The following FAM227B variants were observed in gnomAD, a reference collection of about 807,000 sequenced individuals.
The protein encoded by FAM227B is family with sequence similarity 227 member B.
A neutral mutation model predicts 73.8 loss-of-function variants in FAM227B; 88 were observed. The ratio of observed to expected loss-of-function variants is 1.19; its 90% CI spans 1.00 to 1.42. The LOEUF is 1.42. Ranked by LOEUF, FAM227B falls within the 40% of genes most tolerant of loss-of-function variation. The pLI is 0.00. For synonymous variants in FAM227B, 210 were observed against 190.5 expected (o/e 1.10, Z -0.84); for missense variants, 632 against 590.9 (o/e 1.07, Z -0.72).
rs975479239 is a variant in FAM227B at position 49,371,235 on chromosome 15, A to G, written c.1110+67T>C. The G allele has an allele frequency of 3.3e-6, 3 of 911,138 alleles. No individual in the cohort carries two copies. In the African/African-American group the frequency reaches 5.0e-5, roughly 15 times the overall value. 56.4% of individuals were successfully genotyped at this position (911,138 alleles called of 1,614,324 possible). On this transcript the variant is annotated intron_variant, in intron 12 of 15. Transcript: ENST00000299338. ...AACCAGCATTGCCTATGTACAGCAC[A>G]GTCAATTGCAAATATATTGCAAATT...
At chr15:49,340,403 G>GCCCCCCCCCCTC (rs373386438) in intron 13 of FAM227B, among the ~76,000 whole-genome samples, 4 of 94,380 alleles carry the variant, frequency 4.2e-5, no homozygotes, top group Non-Finnish European at 8.9e-5. Flanking sequence ...GCAGTGCCCC[G>GCCCCCCCCCCTC]CCCCCCCCCT....
At chr15:49,417,037 T>C (rs1426649735) in intron 11 of FAM227B, among the ~76,000 whole-genome samples, 4 of 152,014 alleles carry the variant, frequency 2.6e-5, no homozygotes, top group African/African-American at 7.3e-5. Context: ...TAAAGAAAAC[T>C]AGTTTAAAAT....
intron 11 of FAM227B, among the ~76,000 whole-genome samples, chr15:49,403,549 C>G (rs545574813): frequency 6.6e-6 from 1 of 152,188 alleles, no homozygotes; most frequent in East Asian, 1.9e-4. Flanking sequence ...TTTATGTGCA[C>G]AGAGGTGTTT....
intron 11 of FAM227B, among the ~76,000 whole-genome samples, chr15:49,477,007 C>T (rs1038892006): frequency 2.0e-5 from 3 of 149,182 alleles, no homozygotes; most frequent in East Asian, 2.0e-4. Flanking sequence ...TTGCAGTGAG[C>T]GGAGATCCCG....
chr15:49,350,941 C>A (rs1228856183), intron 13 of FAM227B, among the ~76,000 whole-genome samples: 3 of 152,170 alleles, frequency 2.0e-5, no homozygotes, highest in Non-Finnish European at 2.9e-5. Context: ...TCACATTCCC[C>A]CTTAAAAGCA....
chr15:49,397,886 C>A (rs949828903), intron 11 of FAM227B, among the ~76,000 whole-genome samples: 4 of 152,230 alleles, frequency 2.6e-5, no homozygotes, highest in Admixed American at 1.3e-4. Flanking sequence ...CCAGCAGCTG[C>A]AAAACCATGC....
At chr15:49,409,205 A>G (rs2048715109) in intron 11 of FAM227B, among the ~76,000 whole-genome samples, 1 of 152,110 alleles carries the variant, frequency 6.6e-6, no homozygotes, top group Non-Finnish European at 1.5e-5. Flanking sequence ...GGTTCTTTAC[A>G]TGTGAACTGA....
At chr15:49,404,503 A>G (rs576394200) in intron 11 of FAM227B, among the ~76,000 whole-genome samples, 1 of 152,066 alleles carries the variant, frequency 6.6e-6, no homozygotes, top group Non-Finnish European at 1.5e-5. Flanking sequence ...TGAACCCTTT[A>G]TCATTATGTA....
At position 49,556,972 on chromosome 15, in the gene FAM227B, CT is replaced by C. The variant is rs926983556; in HGVS notation, c.747+11272del. On this transcript the variant is annotated intron_variant, in intron 9 of 15. Transcript: ENST00000299338. ...GGTCCCTGGTGAGAGTGGGTTGCCC[CT>C]TGCCTGCTCATCTCACCTCTTCCCC... Among the ~76,000 whole-genome samples the C allele has an allele frequency of 1.0e-3, 154 of 152,258 alleles. 1 individual carries two copies. The highest frequency in any genetic ancestry group is 3.4e-3 in the African/African-American group (140 of 41,546).
rs141744761 is a variant in FAM227B, at chr15:49,473,072, A to G, written c.1012+35139T>C. Among the ~76,000 whole-genome samples, 1,496 of 152,276 alleles carry G rather than the reference A, an allele frequency of 9.8e-3. 28 individuals are homozygous for G. The highest frequency in any genetic ancestry group is 0.034 in the African/African-American group (1,417 of 41,574). On this transcript the variant is annotated intron_variant, in intron 11 of 15. Transcript: ENST00000299338. ...GTACTTGGGGGATTAATTTAACTAA[A>G]GGCATACTGTAATCTTTTTTCAACT...
At chr15:49,456,975 T>C (rs2053355827) in intron 11 of FAM227B, among the ~76,000 whole-genome samples, 1 of 152,072 alleles carries the variant, frequency 6.6e-6, no homozygotes, top group African/African-American at 2.4e-5. Context: ...ATTGAAAAAG[T>C]TAGTCACTTT....
intron 3 of FAM227B, among the ~76,000 whole-genome samples, chr15:49,591,560 G>A (rs1312325268): frequency 4.0e-5 from 5 of 123,992 alleles, no homozygotes; most frequent in African/African-American, 9.4e-5. Flanking sequence ...ATCTTGGCTC[G>A]CCACAACCTC....
Position 49,327,982 on chromosome 15 carries a change from T to C in FAM227B, c.*586A>G, listed in dbSNP as rs1263819317. 3.1e-6 allele frequency: 5 copies of C among 1,613,640 alleles called. No homozygotes were observed. Among genetic ancestry groups the C allele is most frequent in the East Asian group, 2.2e-5 (1 of 44,902 alleles). On this transcript the variant is annotated 3_prime_UTR_variant, in exon 16 of 16. Transcript: ENST00000299338. ...TTGGGGCTCAAGGGTCACGACTTAC[T>C]GGAGCAGGATGGGGAGGCTGCACAG... is the stretch of plus-strand genomic sequence containing the variant.
At chr15:49,454,454 T>C (rs950249337) in intron 11 of FAM227B, among the ~76,000 whole-genome samples, 1 of 152,204 alleles carries the variant, frequency 6.6e-6, no homozygotes, top group African/African-American at 2.4e-5. Flanking sequence ...AGAAAATATT[T>C]ACCTATCAGC....
chr15:49,569,188 T>C (rs1273156288), intron 8 of FAM227B, among the ~76,000 whole-genome samples: 2 of 151,944 alleles, frequency 1.3e-5, no homozygotes, highest in African/African-American at 4.8e-5. Context: ...ACTCTTATAA[T>C]CCTTTCAACC....
chr15:49,545,705 A>C (rs2071742740), intron 9 of FAM227B, among the ~76,000 whole-genome samples: 1 of 152,140 alleles, frequency 6.6e-6, no homozygotes, highest in Non-Finnish European at 1.5e-5. Flanking sequence ...ATTACTGTTC[A>C]GTTCAAAGAA....
chr15:49,438,804 T>C (rs899861963), intron 11 of FAM227B, among the ~76,000 whole-genome samples: 1 of 150,760 alleles, frequency 6.6e-6, no homozygotes, highest in African/African-American at 2.4e-5. Context: ...AGATTACAGT[T>C]GTTAAATGTT....
chr15:49,604,264 C>T (rs757302225), intron 3 of FAM227B, among the ~76,000 whole-genome samples: 1 of 152,082 alleles, frequency 6.6e-6, no homozygotes, highest in Non-Finnish European at 1.5e-5. Flanking sequence ...AAACTCCCAA[C>T]ACTTTTTCCA....
At chr15:49,530,865 G>GAAATAT (rs60816650) in intron 10 of FAM227B, among the ~76,000 whole-genome samples, 47,996 of 150,976 alleles carry the variant, frequency 0.32, 8,193 homozygotes, top group African/African-American at 0.43. Context: ...TAAATATAAA[G>GAAATAT]AAATATAAAG....
Sources: gnomAD v4.1 joint callset for allele counts (sites outside exome capture counted in the v4.1 genomes callset) on GRCh38, gnomAD v4.1.1 for gene constraint, MANE v1.5 for transcripts, NCBI Gene and HGNC (gene_info 2026-07-23, HGNC 2026-07-21) for gene names.